The following PIP4K2A variants were observed in gnomAD, a reference collection of about 807,000 sequenced individuals.
PIP4K2A encodes the protein phosphatidylinositol-5-phosphate 4-kinase type 2 alpha.
A neutral mutation model predicts 42.9 loss-of-function variants in PIP4K2A; 14 were observed. The observed-to-expected ratio is 0.33, with a 90% CI of 0.22 to 0.51. The LOEUF (loss-of-function observed/expected upper bound fraction) is 0.51. PIP4K2A is among the 20% of genes least tolerant of loss of function. The pLI is 0.97. For missense variants in PIP4K2A, 434 were observed against 519.8 expected (o/e 0.83, Z 1.61); for synonymous variants, 192 against 192.2 (o/e 1.00, Z 0.01).
intron 1 of PIP4K2A, among the ~76,000 whole-genome samples, chr10:22,664,232 C>CAA (rs1588694417): frequency 3.1e-5 from 3 of 98,250 alleles, no homozygotes; most frequent in Non-Finnish European, 6.4e-5. Flanking sequence ...TATATATACA[C>CAA]ACACACACAC....
chr10:22,665,106 CAT>C (rs1324700386), intron 1 of PIP4K2A, among the ~76,000 whole-genome samples: 1 of 152,156 alleles, frequency 6.6e-6, no homozygotes, highest in Non-Finnish European at 1.5e-5. Flanking sequence ...AACACACACA[CAT>C]ACATTTTTAC....
intron 1 of PIP4K2A, among the ~76,000 whole-genome samples, chr10:22,700,313 T>G (rs1426579478): frequency 3.9e-5 from 6 of 152,232 alleles, no homozygotes; most frequent in Non-Finnish European, 8.8e-5. Context: ...TATAGAAGCA[T>G]GTATGTAGCA....
chr10:22,664,139 A>G lies in PIP4K2A; in HGVS notation c.144+50044T>C, dbSNP rs1241061523. ...TACATATATATATATACATATATATATACATATATATACACATATATATAT... is the reference window on the plus strand; with the variant it reads ...TACATATATATATATACATATATATGTACATATATATACACATATATATAT... On this transcript the variant is annotated intron_variant, in intron 1 of 9. Transcript: ENST00000376573. Among the ~76,000 whole-genome samples the G allele has an allele frequency of 3.1e-3, 137 of 44,186 alleles. 3 individuals are homozygous for G. Among genetic ancestry groups the G allele is most frequent in the Non-Finnish European group, 4.1e-3 (119 of 28,720 alleles). The allele number at this position is 44,186 out of a possible 152,430, so 29.0% of individuals were successfully genotyped here.
At chr10:22,650,576 A>G (rs941408159) in intron 1 of PIP4K2A, among the ~76,000 whole-genome samples, 1 of 152,220 alleles carries the variant, frequency 6.6e-6, no homozygotes, top group African/African-American at 2.4e-5. Flanking sequence ...TTTTACTGTG[A>G]TATTGTGAAC....
chr10:22,537,282 C>A lies in PIP4K2A; in HGVS notation c.1141-1G>T. 1 of 1,595,156 alleles carries A rather than the reference C, an allele frequency of 6.3e-7. No individual in the cohort carries two copies. The highest frequency in any genetic ancestry group is 8.6e-7 in the Non-Finnish European group (1 of 1,168,792). On this transcript the variant is annotated splice_acceptor_variant, in intron 9 of 9. Transcript: ENST00000376573. LOFTEE classifies it high-confidence loss of function. ...TCACGGTGGAGATCTCCGCGCCAGC[C>A]TGGGCAGTTTTTAAAAAAGGAAATA...
intron 6 of PIP4K2A, among the ~76,000 whole-genome samples, chr10:22,561,811 A>G (rs1836711357): frequency 6.6e-6 from 1 of 151,848 alleles, no homozygotes; most frequent in African/African-American, 2.4e-5. Flanking sequence ...GCTATCCTGT[A>G]GCCTCAGCCT....
At chr10:22,545,780 C>T (rs559788108) in intron 7 of PIP4K2A, among the ~76,000 whole-genome samples, 2 of 152,328 alleles carry the variant, frequency 1.3e-5, no homozygotes, top group South Asian at 4.1e-4. Flanking sequence ...TCACAGATCA[C>T]TGTAGCCTTG....
chr10:22,673,402 A>G (rs1839493118), intron 1 of PIP4K2A, among the ~76,000 whole-genome samples: 1 of 152,232 alleles, frequency 6.6e-6, no homozygotes, highest in Admixed American at 6.5e-5. Context: ...TAAAATGACC[A>G]CAACAGTCAA....
At chr10:22,667,944 G>C (rs1416063602) in intron 1 of PIP4K2A, among the ~76,000 whole-genome samples, 1 of 150,304 alleles carries the variant, frequency 6.7e-6, no homozygotes, top group East Asian at 1.9e-4. Flanking sequence ...GAGACAGAGA[G>C]ACAGAGAGAG....
chr10:22,586,942 C>A (rs1053598827), intron 4 of PIP4K2A, among the ~76,000 whole-genome samples: 1 of 152,156 alleles, frequency 6.6e-6, no homozygotes, highest in East Asian at 1.9e-4. Context: ...ATATTATAGA[C>A]CAAGAGGTGT....
intron 6 of PIP4K2A, among the ~76,000 whole-genome samples, chr10:22,555,470 G>A (rs533198852): frequency 7.2e-5 from 11 of 152,280 alleles, no homozygotes; most frequent in East Asian, 5.8e-4. Flanking sequence ...TAGGAAAAGC[G>A]CATCGCTGAT....
intron 1 of PIP4K2A, among the ~76,000 whole-genome samples, chr10:22,612,217 T>A (rs980860530): frequency 6.6e-6 from 1 of 152,250 alleles, no homozygotes; most frequent in African/African-American, 2.4e-5. Context: ...CACCAGTCTT[T>A]GTCCTCTTGG....
rs76630921 is a variant in PIP4K2A, at chr10:22,536,027, T to G, written c.*1174A>C. ...ATTTCACCTATACTGTGACTTTACA[T>G]GTAAACTTCAAAAATCACATGCTGT... On this transcript the variant is annotated 3_prime_UTR_variant, in exon 10 of 10. Coordinates refer to ENST00000376573, the MANE Select transcript of PIP4K2A (RefSeq NM_005028.5). The G allele has an allele frequency of 2.5e-6, 1 of 398,298 alleles. No individual in the cohort carries two copies. Among genetic ancestry groups the G allele is most frequent in the Non-Finnish European group, 4.4e-6 (1 of 225,894 alleles). 24.7% of individuals were successfully genotyped at this position (398,298 alleles called of 1,614,324 possible).
chr10:22,630,966 G>A (rs1564449178), intron 1 of PIP4K2A, among the ~76,000 whole-genome samples: 2 of 152,102 alleles, frequency 1.3e-5, no homozygotes, highest in East Asian at 3.8e-4. Flanking sequence ...CAGGAACATG[G>A]CAACAGGGAC....
intron 1 of PIP4K2A, among the ~76,000 whole-genome samples, chr10:22,672,099 T>C (rs1839463813): frequency 6.6e-6 from 1 of 152,172 alleles, no homozygotes; most frequent in Admixed American, 6.5e-5. Flanking sequence ...CAAAGACTCT[T>C]TGTAATTCTT....
At chr10:22,649,319 A>T (rs1234013092) in intron 1 of PIP4K2A, among the ~76,000 whole-genome samples, 1 of 152,220 alleles carries the variant, frequency 6.6e-6, no homozygotes, top group Non-Finnish European at 1.5e-5. Context: ...CAGCTCCCCA[A>T]AAGTTTCTTT....
At chr10:22,583,235 C>T (rs1315547247) in intron 4 of PIP4K2A, among the ~76,000 whole-genome samples, 4 of 152,244 alleles carry the variant, frequency 2.6e-5, no homozygotes, top group Non-Finnish European at 5.9e-5. Flanking sequence ...AGAATGGCTG[C>T]TCCACGTATG....
chr10:22,686,896 G>A (rs1341732021), intron 1 of PIP4K2A, among the ~76,000 whole-genome samples: 5 of 152,104 alleles, frequency 3.3e-5, no homozygotes, highest in South Asian at 2.1e-4. Flanking sequence ...GTCTGGAGAC[G>A]CCAGAAGCGC....
intron 1 of PIP4K2A, among the ~76,000 whole-genome samples, chr10:22,610,376 AG>A (rs1279596864): frequency 6.6e-6 from 1 of 152,214 alleles, no homozygotes; most frequent in Non-Finnish European, 1.5e-5. Context: ...AGTGAATGAA[AG>A]GGACAGCTTT....
Sources: gnomAD v4.1 joint callset for allele counts (sites outside exome capture counted in the v4.1 genomes callset) on GRCh38, gnomAD v4.1.1 for gene constraint, MANE v1.5 for transcripts, NCBI Gene and HGNC (gene_info 2026-07-23, HGNC 2026-07-21) for gene names.